CTNNA3: variants seen among roughly 807,000 people sequenced by gnomAD.
CTNNA3 encodes the protein catenin alpha-3.
Under a neutral mutation model 95.7 loss-of-function variants are expected in CTNNA3, and 76 were observed. The ratio of observed to expected loss-of-function variants is 0.79; its 90% confidence interval spans 0.66 to 0.96. CTNNA3 has a LOEUF of 0.96. Ranked by LOEUF, CTNNA3 falls within the 40% of genes least tolerant of loss-of-function variation. CTNNA3 has a pLI of 0.00. For missense variants in CTNNA3, 1,191 were observed against 1,089.8 expected, an observed-to-expected ratio of 1.09 and a Z score of -1.31; for synonymous variants, 431 against 374.4, an observed-to-expected ratio of 1.15 and a Z score of -1.74.
intron 5 of CTNNA3, among the ~76,000 whole-genome samples, chr10:67,302,068 AAAGAAAGAAAGAAAGAAAG>A (rs1292548274): frequency 4.7e-5 from 6 of 128,604 alleles, no homozygotes; most frequent in Admixed American, 3.9e-4. Flanking sequence ...AGAAAGAAAG[AAAGAAAGAAAGAAAGAAAG>A]AAAGAAAGAA....
chr10:66,546,195 T>A (rs1220344257), intron 10 of CTNNA3, among the ~76,000 whole-genome samples: 1 of 152,016 alleles, frequency 6.6e-6, no homozygotes, highest in Non-Finnish European at 1.5e-5. Flanking sequence ...TTCTACACTA[T>A]CTTCTAAAAA....
chr10:66,068,150 TCTAA>T (rs1432343311), intron 15 of CTNNA3, among the ~76,000 whole-genome samples: 2 of 152,128 alleles, frequency 1.3e-5, no homozygotes, highest in Non-Finnish European at 2.9e-5. Context: ...TACATCTTAT[TCTAA>T]CTATTTTATT....
chr10:67,722,305 G>A (rs1343030591), intron 1 of CTNNA3, among the ~76,000 whole-genome samples: 1 of 152,152 alleles, frequency 6.6e-6, no homozygotes, highest in African/African-American at 2.4e-5. Flanking sequence ...AAGGGGTTAG[G>A]AGAGGATTGT....
rs773384742 is a variant in CTNNA3 at position 66,688,806 on chromosome 10, T to TA, written c.1282-67023dup. Among the ~76,000 whole-genome samples the TA allele has an allele frequency of 3.2e-3, 470 of 145,436 alleles. 4 individuals carry two copies. The highest frequency in any genetic ancestry group is 9.5e-3 in the African/African-American group (361 of 37,852). On this transcript the variant is annotated intron_variant, in intron 9 of 17. Transcript: ENST00000433211. ...CTAACGTGGTGAAACCCGTCTCTAC[T>TA]AAAAAATACAAAAAAAAATTAGCCG...
At chr10:66,441,319 T>C (rs1279891724) in intron 11 of CTNNA3, among the ~76,000 whole-genome samples, 1 of 152,328 alleles carries the variant, frequency 6.6e-6, no homozygotes, top group East Asian at 1.9e-4. Context: ...GATTGATCTG[T>C]TCAAGACTGG....
chr10:67,526,116 T>G (rs1472690702), intron 4 of CTNNA3, among the ~76,000 whole-genome samples: 1 of 151,810 alleles, frequency 6.6e-6, no homozygotes, highest in Non-Finnish European at 1.5e-5. Flanking sequence ...ATACCTAGAG[T>G]AAAAAGAAAT....
intron 14 of CTNNA3, among the ~76,000 whole-genome samples, chr10:66,093,094 C>A (rs2081271709): frequency 6.6e-6 from 1 of 151,876 alleles, no homozygotes; most frequent in South Asian, 2.1e-4. Flanking sequence ...TGGTAAAAAT[C>A]TTTCCCAGAT....
intron 5 of CTNNA3, among the ~76,000 whole-genome samples, chr10:67,257,618 G>A (rs562186914): frequency 3.9e-5 from 6 of 152,180 alleles, no homozygotes; most frequent in African/African-American, 9.6e-5. Flanking sequence ...TCCACAAAAC[G>A]CAAGTACAAA....
At chr10:67,533,118 G>A (rs939439205) in intron 4 of CTNNA3, among the ~76,000 whole-genome samples, 1 of 152,128 alleles carries the variant, frequency 6.6e-6, no homozygotes, top group African/African-American at 2.4e-5. Context: ...AAGGTCAGGA[G>A]TTTGAGACCA....
At chr10:67,176,282 G>A (rs1862240361) in intron 7 of CTNNA3, among the ~76,000 whole-genome samples, 1 of 152,214 alleles carries the variant, frequency 6.6e-6, no homozygotes, top group East Asian at 1.9e-4. Context: ...TGTAGTAGAT[G>A]CTTGAAACTC....
chr10:66,264,566 T>G (rs968203984), intron 13 of CTNNA3, among the ~76,000 whole-genome samples: 4 of 152,050 alleles, frequency 2.6e-5, no homozygotes, highest in African/African-American at 9.7e-5. Context: ...TAAATATATT[T>G]GAGATATTTT....
chr10:67,328,647 T>C (rs1038798818), intron 5 of CTNNA3, among the ~76,000 whole-genome samples: 1 of 152,180 alleles, frequency 6.6e-6, no homozygotes, highest in African/African-American at 2.4e-5. Context: ...GGAATGAGTG[T>C]GGGTATACTG....
At chr10:66,008,067 T>C (rs2133383965) in intron 15 of CTNNA3, among the ~76,000 whole-genome samples, 1 of 152,244 alleles carries the variant, frequency 6.6e-6, no homozygotes, top group Non-Finnish European at 1.5e-5. Context: ...CATTTGAGCA[T>C]ATTGAACCGG....
intron 6 of CTNNA3, among the ~76,000 whole-genome samples, chr10:67,207,872 C>T (rs994672887): frequency 6.6e-6 from 1 of 152,140 alleles, no homozygotes; most frequent in Non-Finnish European, 1.5e-5. Flanking sequence ...TTCATGACCT[C>T]ATCATCAGAG....
chr10:67,199,462 C>T (rs962025883), intron 6 of CTNNA3, among the ~76,000 whole-genome samples: 31 of 152,178 alleles, frequency 2.0e-4, no homozygotes, highest in Admixed American at 2.0e-3. Context: ...CTCCGCCTCC[C>T]GAGTTCAAGC....
At chr10:66,710,838 T>G (rs530706516) in intron 9 of CTNNA3, among the ~76,000 whole-genome samples, 1 of 130,110 alleles carries the variant, frequency 7.7e-6, no homozygotes, top group South Asian at 2.5e-4. Flanking sequence ...TCTTAAAACT[T>G]TGTCATGCGC....
chr10:66,827,774 T>A (rs1309507661), intron 7 of CTNNA3, among the ~76,000 whole-genome samples: 1 of 152,216 alleles, frequency 6.6e-6, no homozygotes, highest in Non-Finnish European at 1.5e-5. Context: ...CTTTGAGCTC[T>A]TTGAAAAATT....
At chr10:66,274,535 TTGAGA>T (rs1368061833) in intron 13 of CTNNA3, among the ~76,000 whole-genome samples, 49 of 152,332 alleles carry the variant, frequency 3.2e-4, no homozygotes, top group African/African-American at 1.2e-3. Flanking sequence ...TTTATAATAT[TTGAGA>T]TATCAGCATT....
intron 9 of CTNNA3, among the ~76,000 whole-genome samples, chr10:66,753,671 A>G (rs1472354974): frequency 1.3e-5 from 2 of 151,614 alleles, no homozygotes; most frequent in African/African-American, 2.4e-5. Flanking sequence ...TCAAAAAAAA[A>G]AGAAAATATA....
Sources: gnomAD v4.1 joint callset for allele counts (sites outside exome capture counted in the v4.1 genomes callset) on GRCh38, gnomAD v4.1.1 for gene constraint, MANE v1.5 for transcripts, NCBI Gene and HGNC (gene_info 2026-07-23, HGNC 2026-07-21) for gene names.